The following PLCB1 variants were observed in gnomAD, a reference collection of about 807,000 sequenced individuals.
PLCB1 encodes the protein phospholipase C beta 1, also known as 1-phosphatidylinositol 4,5-bisphosphate phosphodiesterase beta-1.
In PLCB1, 46 loss-of-function variants were observed where a neutral mutation model predicts 161.8. The ratio of observed to expected loss-of-function variants is 0.28; its 90% confidence interval spans 0.22 to 0.36. The LOEUF (loss-of-function observed/expected upper bound fraction) is 0.36. PLCB1 is among the 10% of genes least tolerant of loss of function. The pLI is 1.00. For missense variants in PLCB1, 1,016 were observed against 1,472.5 expected (o/e 0.69, Z 5.07); for synonymous variants, 517 against 503.7 (o/e 1.03, Z -0.35).
intron 3 of PLCB1, among the ~76,000 whole-genome samples, chr20:8,590,656 C>G (rs1159118240): frequency 1.3e-5 from 2 of 152,164 alleles, no homozygotes; most frequent in Non-Finnish European, 2.9e-5. Context: ...CTCACCTTTT[C>G]CAGCTTCATA....
chr20:8,650,682 G>A (rs1369425208), intron 7 of PLCB1, among the ~76,000 whole-genome samples: 8 of 152,072 alleles, frequency 5.3e-5, no homozygotes, highest in South Asian at 2.1e-4. Flanking sequence ...GTGTGAAGCC[G>A]TTATGTTTAG....
intron 9 of PLCB1, among the ~76,000 whole-genome samples, chr20:8,683,453 A>G (rs1295830885): frequency 3.9e-5 from 6 of 152,086 alleles, no homozygotes; most frequent in Non-Finnish European, 7.4e-5. Flanking sequence ...TACTACCCGC[A>G]AATATGTTGT....
chr20:8,754,601 G>A (rs1182239024), intron 23 of PLCB1, among the ~76,000 whole-genome samples: 1 of 152,116 alleles, frequency 6.6e-6, no homozygotes, highest in Non-Finnish European at 1.5e-5. Context: ...GATCCCCACG[G>A]AATAGGGACA....
chr20:8,362,213 A>T (rs1986566473), intron 2 of PLCB1, among the ~76,000 whole-genome samples: 1 of 152,208 alleles, frequency 6.6e-6, no homozygotes, highest in Non-Finnish European at 1.5e-5. Context: ...TTCTGAAATT[A>T]TTCATCTTTA....
intron 2 of PLCB1, among the ~76,000 whole-genome samples, chr20:8,324,090 T>C (rs1985036512): frequency 6.6e-6 from 1 of 152,190 alleles, no homozygotes; most frequent in African/African-American, 2.4e-5. Flanking sequence ...GAGTGACTGC[T>C]ATAATCATAA....
At chr20:8,474,047 T>A (rs977740408) in intron 3 of PLCB1, among the ~76,000 whole-genome samples, 1 of 152,172 alleles carries the variant, frequency 6.6e-6, no homozygotes, top group East Asian at 1.9e-4. Context: ...GAGCATGTGT[T>A]GTAAATTAGG....
intron 27 of PLCB1, among the ~76,000 whole-genome samples, chr20:8,786,599 T>C (rs1010468580): frequency 1.3e-5 from 2 of 152,210 alleles, no homozygotes; most frequent in Non-Finnish European, 1.5e-5. Flanking sequence ...TTGAGCCAGA[T>C]GTGTCAGCGT....
At chr20:8,461,187 GC>G (rs1490908002) in intron 3 of PLCB1, among the ~76,000 whole-genome samples, 1 of 152,118 alleles carries the variant, frequency 6.6e-6, no homozygotes, top group Non-Finnish European at 1.5e-5. Flanking sequence ...AAAGTCGAGG[GC>G]TCTTTCTTAT....
chr20:8,205,681 C>G (rs2123134617), intron 2 of PLCB1, among the ~76,000 whole-genome samples: 1 of 152,068 alleles, frequency 6.6e-6, no homozygotes, highest in East Asian at 1.9e-4. Context: ...TATTAATTTG[C>G]TTTAGGTATT....
chr20:8,699,454 A>G (rs1315229593), intron 11 of PLCB1, among the ~76,000 whole-genome samples: 1 of 152,222 alleles, frequency 6.6e-6, no homozygotes, highest in Admixed American at 6.5e-5. Flanking sequence ...AGAAGTGAAG[A>G]AGAGGTAAAA....
chr20:8,156,308 G>A (rs2123042224), intron 2 of PLCB1, among the ~76,000 whole-genome samples: 1 of 152,280 alleles, frequency 6.6e-6, no homozygotes, highest in East Asian at 1.9e-4. Context: ...ACTCTCTAGT[G>A]GGATTAAGCC....
intron 31 of PLCB1, among the ~76,000 whole-genome samples, chr20:8,865,000 A>C (rs1395581335): frequency 1.3e-5 from 2 of 152,244 alleles, no homozygotes; most frequent in African/African-American, 2.4e-5. Context: ...GAATCTAAGC[A>C]GAAGAAAAAC....
intron 31 of PLCB1, among the ~76,000 whole-genome samples, chr20:8,822,361 A>T (rs1347399187): frequency 6.6e-6 from 1 of 152,206 alleles, no homozygotes; most frequent in East Asian, 1.9e-4. Context: ...CATACTAAGA[A>T]TACAGAGTGA....
intron 14 of PLCB1, 45 bp downstream of exon 14, chr20:8,717,893 AAGAATTG>A (rs1236149582): frequency 1.9e-6 from 3 of 1,563,246 alleles, no homozygotes; most frequent in Admixed American, 3.9e-5. Context: ...GTGTTGGTTT[AAGAATTG>A]CTGCTCTGGG....
intron 3 of PLCB1, among the ~76,000 whole-genome samples, chr20:8,391,204 G>A (rs1987575312): frequency 6.6e-6 from 1 of 150,602 alleles, no homozygotes; most frequent in African/African-American, 2.4e-5. Context: ...TTATACTTTT[G>A]TAGCTGTGGC....
intron 2 of PLCB1, among the ~76,000 whole-genome samples, chr20:8,200,048 T>G (rs1016212591): frequency 6.6e-6 from 1 of 152,070 alleles, no homozygotes; most frequent in Non-Finnish European, 1.5e-5. Context: ...TATAATTGGT[T>G]AAAAAAATAT....
intron 4 of PLCB1, among the ~76,000 whole-genome samples, chr20:8,631,872 A>G (rs1988599217): frequency 6.6e-6 from 1 of 152,160 alleles, no homozygotes; most frequent in Admixed American, 6.5e-5. Context: ...CTTGAAAATT[A>G]GAGAATAAGG....
intron 2 of PLCB1, among the ~76,000 whole-genome samples, chr20:8,358,373 C>T (rs187687277): frequency 1.7e-3 from 257 of 152,224 alleles, no homozygotes; most frequent in African/African-American, 5.9e-3. Context: ...GTCAGCCTCC[C>T]GAGTAGCTGG....
chr20:8,335,612 C>G (rs1179387151), intron 2 of PLCB1, among the ~76,000 whole-genome samples: 1 of 152,210 alleles, frequency 6.6e-6, no homozygotes, highest in East Asian at 1.9e-4. Flanking sequence ...TGCTCTCCTC[C>G]TGCCTTGGAG....
Sources: allele counts gnomAD v4.1 joint callset (sites outside exome capture counted in the v4.1 genomes callset), GRCh38; gene constraint gnomAD v4.1.1; transcripts MANE v1.5; gene names NCBI Gene and HGNC (gene_info 2026-07-23, HGNC 2026-07-21).